VPS35: variants seen among roughly 807,000 people sequenced by gnomAD.
VPS35 encodes the protein VPS35 retromer complex component, also known as vacuolar protein sorting-associated protein 35.
A neutral mutation model predicts 98.1 loss-of-function variants in VPS35; 21 were observed. The ratio of observed to expected loss-of-function variants is 0.21; its 90% CI spans 0.15 to 0.31. The LOEUF is 0.31. Among genes scored for constraint, VPS35 ranks in the 10% least tolerant of loss-of-function variants. The pLI, the probability that VPS35 is intolerant of heterozygous loss-of-function variation, is 1.00. For missense variants in VPS35, 554 were observed against 950.8 expected (o/e 0.58, Z 5.49); for synonymous variants, 268 against 318.2 (o/e 0.84, Z 1.68).
rs1022646050 is a variant in VPS35 at position 46,658,993 on chromosome 16, T to C, written c.*1479A>G. On this transcript the variant is annotated 3_prime_UTR_variant, in exon 17 of 17. Coordinates refer to ENST00000299138, the MANE Select transcript of VPS35 (RefSeq NM_018206.6). ...TTACAGAATAAGGCAAAAATGAGCATGTCACTTCCACAGGGAGGCCACTGA... is the reference window on the plus strand; with the variant it reads ...TTACAGAATAAGGCAAAAATGAGCACGTCACTTCCACAGGGAGGCCACTGA... 2.0e-5 allele frequency: 3 copies of C among 152,326 alleles called. No individual in the cohort carries two copies. The highest frequency in any genetic ancestry group is 6.5e-5 in the Admixed American group (1 of 15,286). The allele number at this position is 152,326 out of a possible 1,614,324, so 9.4% of individuals were successfully genotyped here. A position where few individuals can be genotyped will look rare whatever the true frequency, so the allele number is the denominator to read the frequency against.
intron 1 of VPS35, among the ~76,000 whole-genome samples, chr16:46,685,250 G>A (rs761662002): frequency 4.6e-5 from 7 of 152,164 alleles, no homozygotes; most frequent in Admixed American, 6.5e-5. Flanking sequence ...GGAAGGCAAG[G>A]ACTTACACAT....
intron 1 of VPS35, among the ~76,000 whole-genome samples, chr16:46,685,600 A>T (rs1966298514): frequency 6.6e-6 from 1 of 152,158 alleles, no homozygotes; most frequent in Non-Finnish European, 1.5e-5. Context: ...ACCCAGTGGA[A>T]CTATTACCAT....
intron 16 of VPS35, 187 bp from the exon 17 acceptor site, chr16:46,660,838 A>AAAAAAG: frequency 1.5e-6 from 1 of 676,374 alleles, no homozygotes; most frequent in South Asian, 1.6e-5. Flanking sequence ...AAAAAAAAAA[A>AAAAAAG]ACAACCCTTT....
At chr16:46,674,778 T>C in intron 8 of VPS35, 118 bp from the exon 9 acceptor site, 1 of 1,006,304 alleles carries the variant, frequency 9.9e-7, no homozygotes, top group South Asian at 1.5e-5. Flanking sequence ...CAAAAGGTTT[T>C]TGTTTTTTTT....
chr16:46,671,234 GA>G lies in VPS35; in HGVS notation c.1524+470del, dbSNP rs1377361050. Among the ~76,000 whole-genome samples, 4 of 151,942 alleles carry G rather than the reference GA, an allele frequency of 2.6e-5. No homozygotes were observed. In the South Asian group the frequency reaches 8.3e-4, roughly 32 times the overall value. On this transcript the variant is annotated intron_variant, in intron 12 of 16. Coordinates refer to ENST00000299138, the MANE Select transcript of VPS35 (RefSeq NM_018206.6). ...AATATAATTTATACTTGCAAATTTG[GA>G]AAAGTAAAATTAAATATAAGAATTG...
intron 2 of VPS35, chr16:46,682,568 G>A (rs1174396531): frequency 5.3e-6 from 1 of 190,132 alleles, no homozygotes; most frequent in Non-Finnish European, 1.1e-5. Flanking sequence ...CTTCAGAGCT[G>A]TCTGAAATGA....
rs564194189 is a variant in VPS35 at position 46,662,002 on chromosome 16, G to A, written c.2068-141C>T. The A allele has an allele frequency of 1.0e-4, 143 of 1,365,338 alleles. No homozygotes were observed. In the African/African-American group the frequency reaches 1.5e-3, roughly 14 times the overall value. The allele number at this position is 1,365,338 out of a possible 1,614,324, so 84.6% of individuals were successfully genotyped here. ...AATCCTTTTCATTCTCCTTCTTCTT[G>A]TTTTGAAGTATACAGCTGTATTTTT... On this transcript the variant is annotated intron_variant, in intron 15 of 16. Transcript: ENST00000299138.
intron 5 of VPS35, among the ~76,000 whole-genome samples, chr16:46,679,892 CATT>C (rs1287818041): frequency 6.6e-6 from 1 of 151,250 alleles, no homozygotes; most frequent in Non-Finnish European, 1.5e-5. Flanking sequence ...TATTAAAAAA[CATT>C]AGAAATAAAT....
chr16:46,688,833 T>TA, intron 1 of VPS35: 1 of 1,392,736 alleles, frequency 7.2e-7, no homozygotes, highest in South Asian at 1.6e-5. Context: ...CGATTCCACT[T>TA]AAAGGAGGCC....
rs1199933688 is a variant in VPS35, at chr16:46,661,582, T to A, written c.2211+136A>T. 1.2e-6 allele frequency: 1 copy of A among 853,674 alleles called. No individual in the cohort carries two copies. The allele number at this position is 853,674 out of a possible 1,614,324, so 52.9% of individuals were successfully genotyped here. ...TGACAAATTAGCCTATTATTTGACA[T>A]CTGTAAATTATTTTACATTTTTCAA... is the stretch of plus-strand genomic sequence containing the variant. On this transcript the variant is annotated intron_variant, in intron 16 of 16. Coordinates refer to ENST00000299138, the MANE Select transcript of VPS35 (RefSeq NM_018206.6). This position sits in a 1 kb window ranked among gnomAD's most constrained non-coding sequence, Gnocchi z 4.3.
intron 3 of VPS35, 155 bp from the exon 4 acceptor site, chr16:46,681,655 T>C: frequency 1.1e-6 from 1 of 889,542 alleles, no homozygotes; most frequent in Non-Finnish European, 1.7e-6. Flanking sequence ...GCCGGACTTT[T>C]CTTACTTTAA....
intron 12 of VPS35, chr16:46,669,343 C>T: frequency 2.5e-6 from 1 of 395,734 alleles, no homozygotes. Flanking sequence ...TTCATACACA[C>T]ATGTGCAAAG....
rs549090952 is a variant in VPS35, at chr16:46,663,304, A to G, written c.1648-142T>C. On this transcript the variant is annotated intron_variant, in intron 13 of 16. Transcript: ENST00000299138. ...CCTTCTCTGTTTCAGTTATAGGGCA[A>G]ACAAGTAAATCAAGCAGGATGTCTT... 20 of 746,196 alleles carry G rather than the reference A, an allele frequency of 2.7e-5. No homozygotes were observed. In the South Asian group the frequency reaches 3.4e-4, roughly 13 times the overall value. The allele number at this position is 746,196 out of a possible 1,614,324, so 46.2% of individuals were successfully genotyped here. A position where few individuals can be genotyped will look rare whatever the true frequency, so the allele number is the denominator to read the frequency against.
chr16:46,688,588 G>A (rs1040235178), intron 1 of VPS35: 42 of 996,964 alleles, frequency 4.2e-5, no homozygotes, highest in South Asian at 1.3e-4. Context: ...CAGGTCCCCA[G>A]AACTCGCTGA....
intron 10 of VPS35, 30 bp from the exon 11 acceptor site, chr16:46,672,502 A>C: frequency 6.3e-7 from 1 of 1,582,300 alleles, no homozygotes; most frequent in Non-Finnish European, 8.7e-7. Flanking sequence ...AGTCTTAATG[A>C]ATAAAATTAA....
At chr16:46,689,075 A>G (rs757976749) in intron 1 of VPS35, 56 bp downstream of exon 1, 5 of 1,593,060 alleles carry the variant, frequency 3.1e-6, no homozygotes, top group Non-Finnish European at 4.3e-6. Flanking sequence ...GCGGTGGGAG[A>G]GAGCAGGGGC....
intron 3 of VPS35, 61 bp from the exon 4 acceptor site, chr16:46,681,561 C>T (rs1332952593): frequency 1.9e-6 from 3 of 1,589,434 alleles, no homozygotes. Flanking sequence ...AACTTTGAAA[C>T]TTGTTGGAGT....
At chr16:46,673,865 C>T (rs940572247) in intron 10 of VPS35, 1 of 169,370 alleles carries the variant, frequency 5.9e-6, no homozygotes, top group South Asian at 1.4e-4. Flanking sequence ...AGCCCACAGG[C>T]CGCATGCAGC....
chr16:46,671,558 G>C, intron 12 of VPS35, 147 bp downstream of exon 12: 1 of 1,159,434 alleles, frequency 8.6e-7, no homozygotes, highest in East Asian at 2.7e-5. Context: ...TACAACCTCC[G>C]CCTCCCAGGT....
Sources: allele counts gnomAD v4.1 joint callset (sites outside exome capture counted in the v4.1 genomes callset), GRCh38; gene constraint gnomAD v4.1.1; non-coding constraint Gnocchi (gnomAD v3.1); transcripts MANE v1.5; gene names NCBI Gene and HGNC (gene_info 2026-07-23, HGNC 2026-07-21).